EIPR1: variants seen among roughly 807,000 people sequenced by gnomAD.
EIPR1 encodes the protein EARP and GARP complex-interacting protein 1.
In EIPR1, 25 loss-of-function variants were observed where a neutral mutation model predicts 48.1. The observed-to-expected ratio is 0.52, with a 90% CI of 0.38 to 0.73. EIPR1 has a LOEUF of 0.73. EIPR1 is among the 30% of genes least tolerant of loss of function. The pLI is 0.00. For synonymous variants in EIPR1, 204 were observed against 201.9 expected, an observed-to-expected ratio of 1.01 and a Z score of -0.09; for missense variants, 415 against 506.2, an observed-to-expected ratio of 0.82 and a Z score of 1.73.
chr2:3,306,828 C>T (rs555540591), intron 3 of EIPR1, among the ~76,000 whole-genome samples: 37 of 152,120 alleles, frequency 2.4e-4, no homozygotes, highest in Non-Finnish European at 4.1e-4. Context: ...AAGTGGACCC[C>T]CCCAGTCCAA....
chr2:3,343,354 C>T (rs576757115), intron 2 of EIPR1, among the ~76,000 whole-genome samples: 24 of 152,250 alleles, frequency 1.6e-4, no homozygotes, highest in Non-Finnish European at 3.2e-4. Context: ...AGGCCGGCTC[C>T]GAAAACAAGC....
rs570926222 is a variant in EIPR1, at chr2:3,196,114, C to T, written c.653+767G>A. On this transcript the variant is annotated intron_variant, in intron 6 of 8. Coordinates refer to ENST00000382125, the MANE Select transcript of EIPR1 (RefSeq NM_003310.5). ...TAGGAAACCAAACAAGCCCTCTGCA[C>T]GGACGTGCACAAAGGAGGAAGTGGC... Among the ~76,000 whole-genome samples the T allele has an allele frequency of 1.3e-4, 20 of 152,302 alleles. No homozygotes were observed. In the South Asian group the frequency reaches 1.7e-3, roughly 13 times the overall value.
intron 3 of EIPR1, 113 bp downstream of exon 3, chr2:3,337,904 T>C (rs1241428873): frequency 4.8e-5 from 58 of 1,202,066 alleles, no homozygotes; most frequent in Non-Finnish European, 6.7e-5. Flanking sequence ...ACACCTTCAT[T>C]AATGGCTAAA....
intron 5 of EIPR1, among the ~76,000 whole-genome samples, chr2:3,206,404 C>T (rs1469326519): frequency 6.6e-6 from 1 of 152,202 alleles, no homozygotes; most frequent in Non-Finnish European, 1.5e-5. Context: ...GGTACCATCC[C>T]CTGGGGAGAC....
chr2:3,333,567 T>C (rs569383010), intron 3 of EIPR1, among the ~76,000 whole-genome samples: 5 of 152,006 alleles, frequency 3.3e-5, no homozygotes, highest in African/African-American at 1.2e-4. Flanking sequence ...TGAGACCTCA[T>C]CTCTACTAGA....
At position 3,286,230 on chromosome 2, in the gene EIPR1, T is replaced by TA. The variant is rs1350597512; in HGVS notation, c.260-28776dup. ...GCACAAAAGGTTGTTTTTATGCTAA[T>TA]AAAAAAAAATAGGTTGGCCTCATTT... is the stretch of plus-strand genomic sequence containing the variant. On this transcript the variant is annotated intron_variant, in intron 3 of 8. Transcript: ENST00000382125. This position sits in a 1 kb window ranked among gnomAD's most constrained non-coding sequence, Gnocchi z 4.2. Among the ~76,000 whole-genome samples, 6 of 151,414 alleles carry TA rather than the reference T, an allele frequency of 4.0e-5. No homozygotes were observed. Among genetic ancestry groups the TA allele is most frequent in the East Asian group, 1.9e-4 (1 of 5,172 alleles).
intron 3 of EIPR1, among the ~76,000 whole-genome samples, chr2:3,299,624 T>TCTCTCTCTCACA (rs948461650): frequency 7.3e-6 from 1 of 136,718 alleles, no homozygotes; most frequent in South Asian, 2.5e-4. Flanking sequence ...TCTCTCTCTC[T>TCTCTCTCTCACA]CACACACACA....
At chr2:3,341,095 CAA>C (rs55667121) in intron 2 of EIPR1, among the ~76,000 whole-genome samples, 27 of 22,200 alleles carry the variant, frequency 1.2e-3, no homozygotes, top group African/African-American at 2.7e-3. Flanking sequence ...GATCCTGTCT[CAA>C]AAAAAAAAAA....
chr2:3,239,760 C>A (rs1666534562), intron 4 of EIPR1, among the ~76,000 whole-genome samples: 1 of 151,566 alleles, frequency 6.6e-6, no homozygotes, highest in Admixed American at 6.6e-5. Context: ...CTCAGGGCAT[C>A]CCCCTTCCTG....
At chr2:3,371,880 A>C (rs2103394081) in intron 1 of EIPR1, among the ~76,000 whole-genome samples, 1 of 152,350 alleles carries the variant, frequency 6.6e-6, no homozygotes, top group Admixed American at 6.5e-5. Flanking sequence ...CACCAAGCGG[A>C]CCTAATAGAT....
chr2:3,195,254 A>G (rs7571242), intron 6 of EIPR1, among the ~76,000 whole-genome samples: 134,097 of 152,304 alleles, frequency 0.88, 59,555 homozygotes, highest in Middle Eastern at 0.92. Flanking sequence ...GCTGCCCAGC[A>G]GCTCCTACCT....
intron 3 of EIPR1, among the ~76,000 whole-genome samples, chr2:3,300,702 T>G (rs896572468): frequency 2.0e-5 from 3 of 152,034 alleles, no homozygotes; most frequent in African/African-American, 7.2e-5. Flanking sequence ...CACAATGCAC[T>G]TATTTCTGGA....
chr2:3,273,065 T>C (rs1330861269), intron 3 of EIPR1, among the ~76,000 whole-genome samples: 1 of 152,256 alleles, frequency 6.6e-6, no homozygotes, highest in African/African-American at 2.4e-5. Flanking sequence ...GATATTGTTA[T>C]GTGAAGCCCA....
chr2:3,234,528 A>C (rs927008972), intron 4 of EIPR1, among the ~76,000 whole-genome samples: 4 of 152,186 alleles, frequency 2.6e-5, no homozygotes, highest in Non-Finnish European at 4.4e-5. Context: ...TGGTGAATGC[A>C]CAATAAATAA....
intron 5 of EIPR1, among the ~76,000 whole-genome samples, chr2:3,210,978 G>C (rs1665430350): frequency 6.6e-6 from 1 of 152,042 alleles, no homozygotes; most frequent in South Asian, 2.1e-4. Context: ...TAGTTTCGGT[G>C]GAGGATGGGA....
At position 3,259,901 on chromosome 2, in the gene EIPR1, TCATAA is replaced by T. The variant is rs1667273790; in HGVS notation, c.260-2451_260-2447del. On this transcript the variant is annotated intron_variant, in intron 3 of 8. Coordinates refer to ENST00000382125, the MANE Select transcript of EIPR1 (RefSeq NM_003310.5). ...AAAGAAAATAAACTTGTATCCTACC[TCATAA>T]CATACTCAAAAACCAATTCCAGCTA... is the stretch of plus-strand genomic sequence containing the variant. Among the ~76,000 whole-genome samples the T allele has an allele frequency of 3.9e-5, 6 of 152,282 alleles. No individual in the cohort carries two copies. The South Asian group carries it at 1.2e-3, about 32-fold the overall frequency.
At chr2:3,313,502 G>C (rs1266668509) in intron 3 of EIPR1, among the ~76,000 whole-genome samples, 3 of 152,138 alleles carry the variant, frequency 2.0e-5, no homozygotes, top group Non-Finnish European at 2.9e-5. Context: ...AATGGGCACT[G>C]AACACTCGCT....
At chr2:3,280,444 G>A (rs537890526) in intron 3 of EIPR1, among the ~76,000 whole-genome samples, 17 of 152,262 alleles carry the variant, frequency 1.1e-4, no homozygotes, top group Non-Finnish European at 2.1e-4. Context: ...AGGATGGGCC[G>A]CGGGTGAGTG....
chr2:3,232,609 G>A (rs563315394), intron 4 of EIPR1, among the ~76,000 whole-genome samples: 22 of 152,030 alleles, frequency 1.4e-4, no homozygotes, highest in Non-Finnish European at 2.4e-4. Flanking sequence ...TGCATCATCC[G>A]TCTTTTGCCT....
Sources: gnomAD v4.1 joint callset for allele counts (sites outside exome capture counted in the v4.1 genomes callset) on GRCh38, gnomAD v4.1.1 for gene constraint, Gnocchi (gnomAD v3.1) non-coding constraint, MANE v1.5 for transcripts, NCBI Gene and HGNC (gene_info 2026-07-23, HGNC 2026-07-21) for gene names.